ACSM1: variants seen among roughly 807,000 people sequenced by gnomAD.
ACSM1 encodes acyl-CoA synthetase medium chain family member 1, also known as acyl-coenzyme A synthetase ACSM1, mitochondrial.
A neutral mutation model predicts 75.8 loss-of-function variants in ACSM1; 79 were observed. The ratio of observed to expected loss-of-function variants is 1.04; its 90% CI spans 0.87 to 1.26. ACSM1 has a LOEUF of 1.26. ACSM1 is among the 50% of genes most tolerant of loss of function. The pLI, the probability that ACSM1 is intolerant of heterozygous loss-of-function variation, is 0.00. For missense variants in ACSM1, 676 were observed against 720.1 expected, an observed-to-expected ratio of 0.94 and a Z score of 0.70; for synonymous variants, 279 against 265.8, an observed-to-expected ratio of 1.05 and a Z score of -0.48.
chr16:20,654,956 T>G (rs2018866319), intron 7 of ACSM1, among the ~76,000 whole-genome samples: 1 of 152,126 alleles, frequency 6.6e-6, no homozygotes, highest in African/African-American at 2.4e-5. Context: ...CACGTATGTT[T>G]ATTGTGGCAC....
intron 7 of ACSM1, among the ~76,000 whole-genome samples, chr16:20,642,066 G>T (rs1271561559): frequency 1.3e-5 from 2 of 152,160 alleles, no homozygotes; most frequent in African/African-American, 4.8e-5. Flanking sequence ...TGGAACAAGG[G>T]ACTATGGAGT....
intron 7 of ACSM1, among the ~76,000 whole-genome samples, chr16:20,651,741 C>A (rs997589724): frequency 4.6e-5 from 7 of 152,036 alleles, no homozygotes; most frequent in Non-Finnish European, 1.0e-4. Flanking sequence ...ACAAAAAAAA[C>A]TAGTCAAATG....
intron 7 of ACSM1, among the ~76,000 whole-genome samples, chr16:20,653,447 A>T (rs1319511551): frequency 6.6e-6 from 1 of 152,196 alleles, no homozygotes; most frequent in Non-Finnish European, 1.5e-5. Flanking sequence ...TCAATTAGGA[A>T]AAGAGGAAGT....
At chr16:20,677,922 T>C (rs1421842031) in intron 4 of ACSM1, among the ~76,000 whole-genome samples, 2 of 152,120 alleles carry the variant, frequency 1.3e-5, no homozygotes, top group East Asian at 3.9e-4. Context: ...AAGGAAGAAA[T>C]TCTACAGCTC....
chr16:20,688,535 A>G (rs2079594578), intron 2 of ACSM1, among the ~76,000 whole-genome samples: 1 of 152,182 alleles, frequency 6.6e-6, no homozygotes, highest in South Asian at 2.1e-4. Flanking sequence ...GCAAGAGAAA[A>G]GCAACTCATG....
At chr16:20,658,647 C>A (rs962514652) in intron 7 of ACSM1, among the ~76,000 whole-genome samples, 1 of 152,090 alleles carries the variant, frequency 6.6e-6, no homozygotes, top group African/African-American at 2.4e-5. Flanking sequence ...CCTTTTCTCT[C>A]CCAAATACCA....
rs1229254214 is a variant in ACSM1 at position 20,639,742 on chromosome 16, G to A, written c.1116+719C>T. On this transcript the variant is annotated intron_variant, in intron 8 of 13. Transcript: ENST00000520010. ...TGCGATGGGGCTGTGTCCCGCACAT[G>A]TGGCATAATTCAGCACATCTGCTGG... Among the ~76,000 whole-genome samples the A allele has an allele frequency of 2.0e-5, 3 of 152,194 alleles. 1 individual carries two copies. The highest frequency in any genetic ancestry group is 6.3e-3 in the Middle Eastern group (2 of 316).
intron 10 of ACSM1, among the ~76,000 whole-genome samples, chr16:20,628,986 C>A (rs2017175368): frequency 6.6e-6 from 1 of 152,128 alleles, no homozygotes. Context: ...TTAAAAACAT[C>A]AAATTACATC....
At chr16:20,672,918 A>T (rs1269194182) in intron 4 of ACSM1, among the ~76,000 whole-genome samples, 2 of 107,880 alleles carry the variant, frequency 1.9e-5, no homozygotes, top group East Asian at 3.3e-4. Flanking sequence ...TATATAAAAC[A>T]TATTACATAT....
At chr16:20,660,194 C>G (rs769908244) in intron 7 of ACSM1, among the ~76,000 whole-genome samples, 1 of 152,182 alleles carries the variant, frequency 6.6e-6, no homozygotes, top group Non-Finnish European at 1.5e-5. Flanking sequence ...GATATAAAGT[C>G]TCTTGTCCCT....
intron 4 of ACSM1, among the ~76,000 whole-genome samples, chr16:20,677,552 C>T (rs78831289): frequency 1.3e-5 from 2 of 152,186 alleles, no homozygotes; most frequent in Admixed American, 6.5e-5. Context: ...CCCTTCATTG[C>T]TGTGTAAATG....
chr16:20,646,432 C>T (rs2018365575), intron 7 of ACSM1, among the ~76,000 whole-genome samples: 1 of 152,156 alleles, frequency 6.6e-6, no homozygotes, highest in Admixed American at 6.5e-5. Context: ...ATGCCATCAC[C>T]CTCCCTAGGT....
chr16:20,624,034 T>C (rs2016765999), intron 13 of ACSM1, 62 bp downstream of exon 13: 10 of 1,593,948 alleles, frequency 6.3e-6, no homozygotes. Context: ...CAGTGATACC[T>C]AGCCCGTCCT....
intron 6 of ACSM1, among the ~76,000 whole-genome samples, chr16:20,667,831 T>G (rs2152267646): frequency 6.6e-6 from 1 of 152,310 alleles, no homozygotes; most frequent in African/African-American, 2.4e-5. Context: ...TAAAGAAGAA[T>G]GAAATCATGT....
chr16:20,639,022 A>G (rs1260312654), intron 8 of ACSM1, among the ~76,000 whole-genome samples: 1 of 152,208 alleles, frequency 6.6e-6, no homozygotes, highest in Non-Finnish European at 1.5e-5. Context: ...TTTTTTACAA[A>G]ATAATGTCAG....
intron 12 of ACSM1, among the ~76,000 whole-genome samples, chr16:20,625,054 G>A (rs530916768): frequency 1.6e-4 from 25 of 152,128 alleles, no homozygotes; most frequent in African/African-American, 5.6e-4. Flanking sequence ...ATGCATGTAT[G>A]TTCGGGAGCC....
intron 4 of ACSM1, among the ~76,000 whole-genome samples, chr16:20,676,762 G>T (rs1312010659): frequency 1.3e-5 from 2 of 152,148 alleles, no homozygotes; most frequent in South Asian, 2.1e-4. Context: ...GCTGGCCAAG[G>T]CTAGAGAGAG....
At chr16:20,645,695 T>G (rs544697060) in intron 7 of ACSM1, among the ~76,000 whole-genome samples, 127 of 152,208 alleles carry the variant, frequency 8.3e-4, no homozygotes, top group Non-Finnish European at 1.5e-3. Context: ...AGAGAACAAT[T>G]CCCCACAGGC....
intron 11 of ACSM1, 150 bp from the exon 12 acceptor site, chr16:20,625,672 A>T: frequency 4.7e-6 from 3 of 645,020 alleles, no homozygotes; most frequent in Non-Finnish European, 8.0e-6. Context: ...CATGGGCCCA[A>T]AGTGTAAAGA....
Sources: allele counts gnomAD v4.1 joint callset (sites outside exome capture counted in the v4.1 genomes callset), GRCh38; gene constraint gnomAD v4.1.1; transcripts MANE v1.5; gene names NCBI Gene and HGNC (gene_info 2026-07-23, HGNC 2026-07-21).